INSL6: variants seen among roughly 807,000 people sequenced by gnomAD.
INSL6 encodes the protein insulin-like peptide INSL6.
In INSL6, 16 loss-of-function variants were observed where a neutral mutation model predicts 9.4. That is an observed-to-expected ratio of 1.70 (90% CI 1.15 to 2.59). INSL6 has a LOEUF of 2.59. INSL6 is among the 30% of genes most tolerant of loss of function. The pLI, the probability that INSL6 is intolerant of heterozygous loss-of-function variation, is 0.00. For missense variants in INSL6, 391 were observed against 257.3 expected (o/e 1.52, Z -3.56); for synonymous variants, 154 against 96.9 (o/e 1.59, Z -3.46).
chr9:5,072,591 A>G, the INSL6 span: 1 of 1,610,152 alleles, frequency 6.2e-7, no homozygotes, highest in Non-Finnish European at 8.5e-7. Flanking sequence ...AGTTCTTTTA[A>G]AAGTTCTGGA....
chr9:5,023,300 C>CTT, the INSL6 span, among the ~76,000 whole-genome samples: 4 of 152,152 alleles, frequency 2.6e-5, no homozygotes, highest in African/African-American at 9.7e-5. Flanking sequence ...ACATAATGAC[C>CTT]TTCAGTTCCA....
At chr9:5,090,783 G>A in the INSL6 span, 1,887 of 1,613,164 alleles carry the variant, frequency 1.2e-3, 34 homozygotes, top group Admixed American at 0.023. Context: ...ACAGGGATCT[G>A]GCAACGAGAA....
At chr9:5,122,922 A>G, downstream of INSL6, 1 of 809,750 alleles carries the variant, frequency 1.2e-6, no homozygotes, top group Non-Finnish European at 1.9e-6. Context: ...TTTTTTTTTT[A>G]ATTTATACAA....
the INSL6 span, among the ~76,000 whole-genome samples, chr9:5,106,339 A>G: frequency 6.6e-6 from 1 of 152,256 alleles, no homozygotes; most frequent in Non-Finnish European, 1.5e-5. Flanking sequence ...AATCAAAACC[A>G]CAATGAGATA....
the INSL6 span, chr9:5,085,762 G>T: frequency 1.9e-5 from 14 of 754,836 alleles, no homozygotes; most frequent in Non-Finnish European, 3.2e-5. Context: ...GCTTGCACAT[G>T]TCGGGAGTTA....
At chr9:5,111,761 G>A in the INSL6 span, 14 of 422,248 alleles carry the variant, frequency 3.3e-5, 1 homozygote, top group Non-Finnish European at 5.1e-5. Flanking sequence ...AGAAGTGAAC[G>A]GTGGGCTTCC....
chr9:4,994,612 T>C, the INSL6 span, among the ~76,000 whole-genome samples: 3 of 152,236 alleles, frequency 2.0e-5, no homozygotes, highest in Non-Finnish European at 4.4e-5. Flanking sequence ...AATTCCGCCT[T>C]TGTGGTGCAA....
At chr9:5,043,117 C>T in the INSL6 span, among the ~76,000 whole-genome samples, 1 of 152,214 alleles carries the variant, frequency 6.6e-6, no homozygotes, top group Non-Finnish European at 1.5e-5. Context: ...CCTTAAAGCC[C>T]CCGACCCAGC....
chr9:5,097,344 A>G, the INSL6 span: 2 of 152,140 alleles, frequency 1.3e-5, no homozygotes, highest in Admixed American at 6.6e-5. Flanking sequence ...ATCCTATCTT[A>G]TATCAACATT....
the INSL6 span, among the ~76,000 whole-genome samples, chr9:5,032,004 T>A: frequency 6.6e-6 from 1 of 152,224 alleles, no homozygotes; most frequent in Non-Finnish European, 1.5e-5. Context: ...GAATTCCCTT[T>A]CCTAGTCAAA....
At chr9:5,175,554 T>C (rs1825280636) in intron 1 of INSL6, among the ~76,000 whole-genome samples, 1 of 152,170 alleles carries the variant, frequency 6.6e-6, no homozygotes, top group Non-Finnish European at 1.5e-5. Flanking sequence ...AACTGGTCTA[T>C]GGCCTGTTAG....
At chr9:5,171,270 T>G (rs1163408914) in intron 1 of INSL6, among the ~76,000 whole-genome samples, 1 of 152,184 alleles carries the variant, frequency 6.6e-6, no homozygotes, top group Non-Finnish European at 1.5e-5. Context: ...AGAAAAGATC[T>G]TCCATAAAAT....
the INSL6 span, chr9:5,085,152 A>G: frequency 7.7e-6 from 5 of 648,302 alleles, no homozygotes; most frequent in Non-Finnish European, 1.5e-5. Context: ...CATACTGTGG[A>G]GCTCTGTCTA....
chr9:5,038,883 T>C, the INSL6 span, among the ~76,000 whole-genome samples: 1 of 151,952 alleles, frequency 6.6e-6, no homozygotes, highest in Non-Finnish European at 1.5e-5. Context: ...ATACACCACA[T>C]TAATAGAATA....
the INSL6 span, chr9:5,089,654 T>G: frequency 4.7e-6 from 6 of 1,275,328 alleles, no homozygotes; most frequent in Non-Finnish European, 6.1e-6. Flanking sequence ...ATTTCCATCC[T>G]AATGTGATGT....
the INSL6 span, among the ~76,000 whole-genome samples, chr9:5,063,068 A>T: frequency 1.2e-4 from 18 of 152,220 alleles, 1 homozygote; most frequent in African/African-American, 4.1e-4. Flanking sequence ...AATACCTTTT[A>T]TAGTTCAAAC....
At position 5,164,009 on chromosome 9, in the gene INSL6, T is replaced by C. The variant is rs1824987447; in HGVS notation, c.546A>G (p.Gly182=). ...RGYSEKCCLT[G]CTKEELSIAC... ...CAATGCTAAGTTCTTCTTTTGTACA[T>C]CCTGTAAGACAACACTTTTCTGAAT... The change falls in exon 2 of 2, where the codon GGA becomes GGG. Residue 182 remains glycine, a synonymous_variant. Coordinates refer to ENST00000381641, the MANE Select transcript of INSL6 (RefSeq NM_007179.3). 1 of 1,613,474 alleles carries C rather than the reference T, an allele frequency of 6.2e-7. No individual in the cohort carries two copies. The highest frequency in any genetic ancestry group is 8.5e-7 in the Non-Finnish European group (1 of 1,179,796).
chr9:5,115,437 A>C, the INSL6 span, among the ~76,000 whole-genome samples: 1 of 152,234 alleles, frequency 6.6e-6, no homozygotes, highest in Admixed American at 6.5e-5. Context: ...ATGTGGAAAA[A>C]CAGGAATGCT....
the INSL6 span, chr9:5,054,472 GA>G: frequency 5.4e-6 from 6 of 1,108,784 alleles, no homozygotes; most frequent in Non-Finnish European, 7.8e-6. The surrounding 1 kb of genome is among the most constrained non-coding windows in gnomAD (Gnocchi z 4.9). Context: ...CTTAATCATG[GA>G]AAAAGGTGGT....
Sources: gnomAD v4.1 joint callset for allele counts (sites outside exome capture counted in the v4.1 genomes callset) on GRCh38, gnomAD v4.1.1 for gene constraint, Gnocchi (gnomAD v3.1) non-coding constraint, MANE v1.5 for transcripts, NCBI Gene and HGNC (gene_info 2026-07-23, HGNC 2026-07-21) for gene names.